Variants in TMEM41B observed in about 807,000 individuals in gnomAD.
TMEM41B encodes transmembrane protein 41B.
In TMEM41B, 18 loss-of-function variants were observed where a neutral mutation model predicts 31.9. The observed-to-expected ratio is 0.56, with a 90% CI of 0.39 to 0.84. TMEM41B has a LOEUF of 0.84. Among genes scored for constraint, TMEM41B ranks in the 40% least tolerant of loss-of-function variants. The probability of loss-of-function intolerance (pLI) is 0.00; values close to 1 mark genes in which losing one functional copy is unlikely to be tolerated. For synonymous variants in TMEM41B, 144 were observed against 124.3 expected, an observed-to-expected ratio of 1.16 and a Z score of -1.05; for missense variants, 322 against 348.0, an observed-to-expected ratio of 0.93 and a Z score of 0.59.
chr11:9,299,838 G>T (rs1030620932), intron 1 of TMEM41B, 137 bp from the exon 2 acceptor site: 4 of 699,036 alleles, frequency 5.7e-6, no homozygotes, highest in African/African-American at 5.5e-5. Flanking sequence ...TTAAGCACTG[G>T]GCCGGGCACA....
At chr11:9,308,244 G>A (rs1192864446) in intron 1 of TMEM41B, among the ~76,000 whole-genome samples, 1 of 152,148 alleles carries the variant, frequency 6.6e-6, no homozygotes, top group East Asian at 1.9e-4. Context: ...TGGGGAGGCT[G>A]AGGCATGAGA....
intron 1 of TMEM41B, chr11:9,311,763 C>G: frequency 1.6e-6 from 1 of 619,920 alleles, no homozygotes; most frequent in Non-Finnish European, 2.9e-6. Context: ...TAACTAGTTT[C>G]ACCTCCTGTC....
chr11:9,291,149 G>A (rs765266615), intron 3 of TMEM41B, among the ~76,000 whole-genome samples: 20 of 151,964 alleles, frequency 1.3e-4, no homozygotes, highest in African/African-American at 3.4e-4. Flanking sequence ...GGCTGGGCGC[G>A]GTGGCTCATA....
chr11:9,295,025 GA>G, intron 3 of TMEM41B: 9 of 522,076 alleles, frequency 1.7e-5, no homozygotes, highest in Non-Finnish European at 2.4e-5. Context: ...TTTGGTAAGT[GA>G]AAAAAGCAGA....
chr11:9,300,145 T>C (rs1853212044), intron 1 of TMEM41B, among the ~76,000 whole-genome samples: 1 of 152,106 alleles, frequency 6.6e-6, no homozygotes, highest in Non-Finnish European at 1.5e-5. Flanking sequence ...TAATTAATTA[T>C]ATTTAAGCAC....
rs533105308 is a variant in TMEM41B at position 9,312,680 on chromosome 11, C to A, written c.121+1641G>T. Among the ~76,000 whole-genome samples, 337 of 151,984 alleles carry A rather than the reference C, an allele frequency of 2.2e-3. 2 individuals carry two copies. The highest frequency in any genetic ancestry group is 7.7e-3 in the African/African-American group (320 of 41,480). ...CAGCACTTTGGGAGGCCGAGGCGGG[C>A]GGATCAACAGGTCAGGAGATCGAGA... On this transcript the variant is annotated intron_variant, in intron 1 of 6. Transcript: ENST00000528080.
At chr11:9,313,807 C>CT (rs1017534390) in intron 1 of TMEM41B, among the ~76,000 whole-genome samples, 2 of 152,076 alleles carry the variant, frequency 1.3e-5, no homozygotes, top group African/African-American at 4.8e-5. Flanking sequence ...AGACACTGAG[C>CT]TTTTTTTGAA....
intron 2 of TMEM41B, 39 bp from the exon 3 acceptor site, chr11:9,295,426 G>A: frequency 7.8e-7 from 1 of 1,280,362 alleles, no homozygotes; most frequent in South Asian, 1.4e-5. Context: ...ACAGAATTTT[G>A]CCAAGATAAT....
intron 4 of TMEM41B, 149 bp downstream of exon 4, chr11:9,288,293 A>T: frequency 1.7e-6 from 1 of 577,208 alleles, no homozygotes. Context: ...AAAACAAATT[A>T]TAACACCTCC....
At chr11:9,309,878 G>A (rs1394087928) in intron 1 of TMEM41B, among the ~76,000 whole-genome samples, 3 of 147,962 alleles carry the variant, frequency 2.0e-5, no homozygotes, top group African/African-American at 7.5e-5. Context: ...AGCCAAGATC[G>A]CACCACTGCA....
chr11:9,312,911 A>C (rs987421308), intron 1 of TMEM41B, among the ~76,000 whole-genome samples: 4 of 149,586 alleles, frequency 2.7e-5, no homozygotes, highest in South Asian at 4.3e-4. Context: ...CTCAAAAAAA[A>C]AAAAAAAAAA....
chr11:9,303,209 G>C (rs926051617), intron 1 of TMEM41B, among the ~76,000 whole-genome samples: 4 of 152,080 alleles, frequency 2.6e-5, no homozygotes, highest in African/African-American at 9.7e-5. Flanking sequence ...AGTAGAGACG[G>C]GGTTTCACCA....
intron 1 of TMEM41B, among the ~76,000 whole-genome samples, chr11:9,303,908 T>TC (rs1222999920): frequency 2.0e-5 from 3 of 152,166 alleles, no homozygotes; most frequent in Non-Finnish European, 4.4e-5. Context: ...CGTCAGGTGA[T>TC]CCGCCCACTT....
chr11:9,300,190 T>A (rs930848844), intron 1 of TMEM41B, among the ~76,000 whole-genome samples: 3 of 152,186 alleles, frequency 2.0e-5, no homozygotes, highest in African/African-American at 7.2e-5. Context: ...CTGGATATAT[T>A]ACTTTGGGGG....
chr11:9,288,677 T>C (rs1228843690), intron 3 of TMEM41B, 142 bp from the exon 4 acceptor site: 2 of 563,960 alleles, frequency 3.5e-6, no homozygotes, highest in South Asian at 3.1e-5. Flanking sequence ...AAGTTGACCA[T>C]TTACTAAACA....
At chr11:9,298,376 T>C (rs1853151501) in intron 2 of TMEM41B, among the ~76,000 whole-genome samples, 1 of 151,362 alleles carries the variant, frequency 6.6e-6, no homozygotes, top group Non-Finnish European at 1.5e-5. Context: ...GGAGAATCGC[T>C]TGAACCCAGG....
Position 9,281,299 on chromosome 11 carries a change from G to C in TMEM41B, c.*2125C>G, listed in dbSNP as rs1443826289. On this transcript the variant is annotated 3_prime_UTR_variant, in exon 7 of 7. Transcript: ENST00000528080. Reference sequence around the variant, plus strand: ...TTTATGTGTAAAAATAACAAAAGATGTATCAGTCAGTCTCTGGGCAATAAG... The same window carrying C: ...TTTATGTGTAAAAATAACAAAAGATCTATCAGTCAGTCTCTGGGCAATAAG... The C allele has an allele frequency of 1.3e-5, 2 of 152,136 alleles. No individual in the cohort carries two copies. Among genetic ancestry groups the C allele is most frequent in the Non-Finnish European group, 2.9e-5 (2 of 68,024 alleles). 9.4% of individuals were successfully genotyped at this position (152,136 alleles called of 1,614,324 possible). A position where few individuals can be genotyped will look rare whatever the true frequency, so the allele number is the denominator to read the frequency against.
At chr11:9,299,360 ATATAT>A (rs1158249688) in intron 2 of TMEM41B, among the ~76,000 whole-genome samples, 3 of 142,664 alleles carry the variant, frequency 2.1e-5, no homozygotes, top group African/African-American at 5.3e-5. Context: ...GTGTATATAA[ATATAT>A]TAAATATACA....
At chr11:9,305,233 G>A (rs906960079) in intron 1 of TMEM41B, among the ~76,000 whole-genome samples, 7 of 152,068 alleles carry the variant, frequency 4.6e-5, no homozygotes, top group African/African-American at 1.5e-4. Context: ...GTTTTCTGTA[G>A]GCTGACATCA....
Sources: gnomAD v4.1 joint callset for allele counts (sites outside exome capture counted in the v4.1 genomes callset) on GRCh38, gnomAD v4.1.1 for gene constraint, MANE v1.5 for transcripts, NCBI Gene and HGNC (gene_info 2026-07-23, HGNC 2026-07-21) for gene names.